The following DGKK variants were observed in gnomAD, a reference collection of about 807,000 sequenced individuals.
The protein encoded by DGKK is diacylglycerol kinase kappa.
Under a neutral mutation model 92.2 loss-of-function variants are expected in DGKK, and 35 were observed. That is an observed-to-expected ratio of 0.38 (90% CI 0.29 to 0.50). The LOEUF (loss-of-function observed/expected upper bound fraction) is 0.50, where lower values mean the gene tolerates loss of function less well. Ranked by LOEUF, DGKK falls within the 20% of genes least tolerant of loss-of-function variation. The probability of loss-of-function intolerance (pLI) is 0.92; values close to 1 mark genes in which losing one functional copy is unlikely to be tolerated. For missense variants in DGKK, 910 were observed against 992.2 expected, an observed-to-expected ratio of 0.92 and a Z score of 1.11; for synonymous variants, 368 against 360.6, an observed-to-expected ratio of 1.02 and a Z score of -0.23.
At position 50,468,767 on chromosome X, in the gene DGKK, G is replaced by A. The variant is rs145592356; in HGVS notation, c.645+1267C>T. ...CGCATTCTACATTCTATAAGTGTGC[G>A]GTCCACAGCAGAAGGGTTCCTGAGC... On this transcript the variant is annotated intron_variant, in intron 1 of 27. Transcript: ENST00000611977. Among the ~76,000 whole-genome samples, 214 of 110,517 alleles carry A rather than the reference G, an allele frequency of 1.9e-3. 1 individual carries two copies. Among genetic ancestry groups the A allele is most frequent in the African/African-American group, 7.0e-3 (212 of 30,278 alleles).
chrX:50,400,034 A>T (rs1294928165), intron 8 of DGKK, among the ~76,000 whole-genome samples: 2 of 111,906 alleles, frequency 1.8e-5, no homozygotes, highest in African/African-American at 6.5e-5. Context: ...ATGTTTTTAG[A>T]TACTTAGGCC....
chrX:50,429,311 T>C (rs1032655737), intron 1 of DGKK, among the ~76,000 whole-genome samples: 1 of 111,926 alleles, frequency 8.9e-6, no homozygotes, highest in Non-Finnish European at 1.9e-5. Flanking sequence ...TTTTTTAGTA[T>C]GTACACAACA....
Position 50,433,017 on chromosome X carries a change from A to G in DGKK, c.646-8659T>C, listed in dbSNP as rs144820455. Reference sequence around the variant, plus strand: ...GGCCCTTGGTAATTGACCTGGGACTAGCTGCATCCAGGAAGGAGGAAGAGC... The same window carrying G: ...GGCCCTTGGTAATTGACCTGGGACTGGCTGCATCCAGGAAGGAGGAAGAGC... On this transcript the variant is annotated intron_variant, in intron 1 of 27. Coordinates refer to ENST00000611977, the MANE Select transcript of DGKK (RefSeq NM_001013742.4). Among the ~76,000 whole-genome samples, 971 of 111,939 alleles carry G rather than the reference A, an allele frequency of 8.7e-3. 6 individuals carry two copies. The highest frequency in any genetic ancestry group is 0.041 in the Middle Eastern group (9 of 218).
chrX:50,464,276 T>C (rs1926837831), intron 1 of DGKK, among the ~76,000 whole-genome samples: 1 of 109,593 alleles, frequency 9.1e-6, no homozygotes, highest in Non-Finnish European at 1.9e-5. Context: ...TACCCTTCCA[T>C]TCTTAATTTT....
chrX:50,402,848 A>C (rs1271201716), intron 7 of DGKK, among the ~76,000 whole-genome samples: 3 of 111,574 alleles, frequency 2.7e-5, no homozygotes, highest in Non-Finnish European at 5.6e-5. Flanking sequence ...ATTAAGAAGC[A>C]ACAAAGATGG....
intron 18 of DGKK, 75 bp downstream of exon 18, chrX:50,382,421 G>A: frequency 2.8e-6 from 2 of 720,958 alleles, no homozygotes; most frequent in Non-Finnish European, 4.1e-6. Context: ...TGTCTGAGAG[G>A]TAGAGAATGT....
intron 1 of DGKK, among the ~76,000 whole-genome samples, chrX:50,441,301 C>T (rs781989896): frequency 3.6e-4 from 40 of 111,486 alleles, no homozygotes; most frequent in Non-Finnish European, 1.1e-4. Context: ...TGTGGTCAAT[C>T]GTGGTTTACT....
At position 50,371,828 on chromosome X, in the gene DGKK, T is replaced by G; in HGVS notation, c.3508A>C (p.Ser1170Arg). 5.1e-6 allele frequency: 6 copies of G among 1,183,060 alleles called. No individual in the cohort carries two copies. The highest frequency in any genetic ancestry group is 6.9e-6 in the Non-Finnish European group (6 of 871,941). The change falls in exon 26 of 28, where the codon AGT (serine) becomes CGT (arginine). Residue 1170 changes from serine to arginine, a missense_variant. By Grantham distance (110) the Ser-to-Arg change is moderately radical. Coordinates refer to ENST00000611977, the MANE Select transcript of DGKK (RefSeq NM_001013742.4). Reference sequence around the variant, plus strand: ...TGTAGTGCAGTCTCATCCTCAGCACTTCTCAGCTGGTACAGACAGGAAAAA... The same window carrying G: ...TGTAGTGCAGTCTCATCCTCAGCACGTCTCAGCTGGTACAGACAGGAAAAA... ...TAFLDEKLLR[S>R]AEDETALQSA...
At position 50,435,708 on chromosome X, in the gene DGKK, A is replaced by AGT. The variant is rs200146292; in HGVS notation, c.646-11352_646-11351dup. Among the ~76,000 whole-genome samples the AGT allele has an allele frequency of 5.7e-3, 543 of 95,911 alleles. 1 individual carries two copies. The highest frequency in any genetic ancestry group is 8.2e-3 in the Non-Finnish European group (374 of 45,751). 83.3% of individuals were successfully genotyped at this position (95,911 alleles called of 115,157 possible). A position where few individuals can be genotyped will look rare whatever the true frequency, so the allele number is the denominator to read the frequency against. Reference sequence around the variant, plus strand: ...GTTGTGTATGAGTGGTGGGAAAAGGAGTGTGTGTGTGTATGTGTGTGTGTG... The same window carrying AGT: ...GTTGTGTATGAGTGGTGGGAAAAGGAGTGTGTGTGTGTGTATGTGTGTGTGTG... On this transcript the variant is annotated intron_variant, in intron 1 of 27. Transcript: ENST00000611977.
intron 3 of DGKK, among the ~76,000 whole-genome samples, chrX:50,422,075 C>G (rs1240973424): frequency 3.6e-5 from 4 of 111,615 alleles, no homozygotes; most frequent in Admixed American, 9.5e-5. Flanking sequence ...TCTTATCTAC[C>G]TCATCAGAGG....
intron 1 of DGKK, among the ~76,000 whole-genome samples, chrX:50,463,041 G>A (rs1343550456): frequency 9.4e-6 from 1 of 106,174 alleles, no homozygotes; most frequent in Non-Finnish European, 1.9e-5. Context: ...GAGATTTTGT[G>A]TGTGTGTGGT....
intron 1 of DGKK, among the ~76,000 whole-genome samples, chrX:50,449,777 A>G (rs977334953): frequency 9.8e-5 from 11 of 111,808 alleles, no homozygotes; most frequent in African/African-American, 3.3e-4. Flanking sequence ...CTCCAGCTAC[A>G]GTACTTTAAC....
intron 18 of DGKK, 93 bp downstream of exon 18, chrX:50,382,403 C>G: frequency 4.7e-6 from 3 of 637,729 alleles, no homozygotes; most frequent in Non-Finnish European, 2.3e-6. Flanking sequence ...CCCTTTCTTT[C>G]TGTTGCTTGT....
chrX:50,378,588 C>T lies in DGKK; in HGVS notation c.2966G>A (p.Arg989His). The T allele has an allele frequency of 1.7e-6, 2 of 1,205,322 alleles. No homozygotes were observed. The highest frequency in any genetic ancestry group is 3.0e-5 in the East Asian group (1 of 33,556). Residue 989 changes from arginine (R) to histidine (H), a missense_variant, in exon 21 of 28, where the codon CGC becomes CAC. Physicochemically the swap from Arg to His is conservative, Grantham distance 29. Coordinates refer to ENST00000611977, the MANE Select transcript of DGKK (RefSeq NM_001013742.4). ...CCAGCCCCTGCCTACCTGGGCAATG[C>T]GATGATGATGCAGGTTGATGATACG... Reference protein sequence around the residue: ...MSRIINLHHHRIAQCHEVMIT... With the variant: ...MSRIINLHHHHIAQCHEVMIT...
At chrX:50,429,717 T>C (rs1351695484) in intron 1 of DGKK, among the ~76,000 whole-genome samples, 1 of 112,194 alleles carries the variant, frequency 8.9e-6, no homozygotes, top group African/African-American at 3.2e-5. Context: ...TATGAACAGC[T>C]CTGACTATTC....
intron 8 of DGKK, among the ~76,000 whole-genome samples, chrX:50,399,285 C>T (rs1250081074): frequency 2.7e-5 from 3 of 111,503 alleles, no homozygotes; most frequent in African/African-American, 6.5e-5. Context: ...TATATGAGCA[C>T]GCACATACAC....
intron 2 of DGKK, among the ~76,000 whole-genome samples, chrX:50,424,021 G>T (rs1403853422): frequency 9.0e-6 from 1 of 111,041 alleles, no homozygotes; most frequent in Non-Finnish European, 1.9e-5. Flanking sequence ...GTTGGTTCTG[G>T]GTGCAGAAGC....
intron 26 of DGKK, 82 bp downstream of exon 26, chrX:50,371,636 GTCACCA>G (rs2147115765): frequency 1.5e-6 from 1 of 683,863 alleles, no homozygotes; most frequent in South Asian, 2.7e-5. Context: ...CTGTACTACA[GTCACCA>G]TGTCCTGGCC....
intron 1 of DGKK, among the ~76,000 whole-genome samples, chrX:50,447,627 C>T (rs921059041): frequency 1.7e-4 from 17 of 102,901 alleles, no homozygotes; most frequent in African/African-American, 5.9e-4. Flanking sequence ...TATCATTATC[C>T]GCCAACTCTC....
Sources: allele counts gnomAD v4.1 joint callset (sites outside exome capture counted in the v4.1 genomes callset), GRCh38; gene constraint gnomAD v4.1.1; transcripts MANE v1.5; gene names NCBI Gene and HGNC (gene_info 2026-07-23, HGNC 2026-07-21).